S100Z: variants seen among roughly 807,000 people sequenced by gnomAD.
S100Z encodes S100 calcium binding protein Z, also known as protein S100-Z.
S100Z carries 11 observed loss-of-function variants against 8.5 expected under a neutral mutation model. The ratio of observed to expected loss-of-function variants is 1.30; its 90% CI spans 0.82 to 2.15. The LOEUF (loss-of-function observed/expected upper bound fraction) is 2.15. S100Z is among the 30% of genes most tolerant of loss of function. The pLI, the probability that S100Z is intolerant of heterozygous loss-of-function variation, is 0.00. For synonymous variants in S100Z, 34 were observed against 43.8 expected, an observed-to-expected ratio of 0.78 and a Z score of 0.89; for missense variants, 126 against 117.9, an observed-to-expected ratio of 1.07 and a Z score of -0.32.
intron 3 of S100Z, 59 bp from the exon 4 acceptor site, chr5:76,877,615 T>G: frequency 1.0e-6 from 1 of 994,180 alleles, no homozygotes. Flanking sequence ...GAAGATGAAT[T>G]TCAATTGTCA....
downstream of S100Z, among the ~76,000 whole-genome samples, chr5:76,923,613 A>T (rs1399425529): frequency 6.6e-6 from 1 of 152,132 alleles, no homozygotes; most frequent in African/African-American, 2.4e-5. Flanking sequence ...ACCTCCAACT[A>T]CACCCTCATG....
intron 4 of S100Z, among the ~76,000 whole-genome samples, chr5:76,879,917 G>A (rs1276521991): frequency 1.3e-5 from 2 of 152,170 alleles, no homozygotes; most frequent in Non-Finnish European, 2.9e-5. Flanking sequence ...ACGCATCTGT[G>A]TGAAGAGACC....
At chr5:76,883,137 C>T (rs1245665585) in intron 4 of S100Z, among the ~76,000 whole-genome samples, 4 of 151,980 alleles carry the variant, frequency 2.6e-5, no homozygotes, top group African/African-American at 9.7e-5. Flanking sequence ...GGGATATTGG[C>T]ATTGAGTGGG....
Position 76,912,097 on chromosome 5 carries a change from TG to T in S100Z, c.*3-8619del, listed in dbSNP as rs1470613169. On this transcript the variant is annotated intron_variant, in intron 4 of 4. Coordinates refer to ENST00000317593, the MANE Select transcript of S100Z (RefSeq NM_130772.4). ...AAGGGTAGTTGCGGCGTTGGCTTAG[TG>T]TCAGAGGCTATCAAAATAATACAAG... Among the ~76,000 whole-genome samples, 4 of 152,188 alleles carry T rather than the reference TG, an allele frequency of 2.6e-5. No homozygotes were observed. In the East Asian group the frequency reaches 7.7e-4, roughly 29 times the overall value.
the S100Z span, among the ~76,000 whole-genome samples, chr5:76,933,366 C>T: frequency 4.6e-5 from 7 of 152,174 alleles, no homozygotes; most frequent in African/African-American, 1.7e-4. Context: ...GAGACGGCCT[C>T]TTCGAGAGGA....
At chr5:76,886,014 AAG>A (rs1308045796) in intron 4 of S100Z, among the ~76,000 whole-genome samples, 1 of 140,612 alleles carries the variant, frequency 7.1e-6, no homozygotes, top group Non-Finnish European at 1.5e-5. Context: ...GTGGAGAGAA[AAG>A]AGAGAGTAGA....
At chr5:76,851,792 G>C (rs968864566) in intron 1 of S100Z, among the ~76,000 whole-genome samples, 1 of 152,142 alleles carries the variant, frequency 6.6e-6, no homozygotes, top group Admixed American at 6.5e-5. Flanking sequence ...ATAACACAAA[G>C]TAGAGTAAGA....
At chr5:76,852,006 G>T (rs545724777) in intron 1 of S100Z, among the ~76,000 whole-genome samples, 1 of 151,974 alleles carries the variant, frequency 6.6e-6, no homozygotes, top group South Asian at 2.1e-4. Flanking sequence ...GTCTTGAGTT[G>T]CAGTCTTAAA....
At chr5:76,880,452 G>A (rs1393082529) in intron 4 of S100Z, among the ~76,000 whole-genome samples, 2 of 152,148 alleles carry the variant, frequency 1.3e-5, no homozygotes, top group Non-Finnish European at 2.9e-5. Flanking sequence ...GGGCTGCTTC[G>A]AGCAGGATTA....
intron 1 of S100Z, among the ~76,000 whole-genome samples, chr5:76,859,653 G>T (rs1399080596): frequency 2.0e-5 from 3 of 151,356 alleles, no homozygotes; most frequent in Admixed American, 2.0e-4. Flanking sequence ...GTGGTGGCGG[G>T]CGCCTGTAAT....
intron 4 of S100Z, among the ~76,000 whole-genome samples, chr5:76,913,349 C>T (rs6890905): frequency 0.69 from 104,464 of 152,146 alleles, 36,612 homozygotes; most frequent in African/African-American, 0.83. Context: ...GAAAAAGACA[C>T]AATGGATATT....
intron 4 of S100Z, among the ~76,000 whole-genome samples, chr5:76,919,430 C>G (rs1744962453): frequency 6.6e-6 from 1 of 152,090 alleles, no homozygotes; most frequent in Admixed American, 6.5e-5. Flanking sequence ...TTTGCAATTT[C>G]CTAATGACAT....
intron 1 of S100Z, among the ~76,000 whole-genome samples, chr5:76,862,455 G>T (rs935503419): frequency 6.6e-6 from 1 of 152,096 alleles, no homozygotes; most frequent in Non-Finnish European, 1.5e-5. Context: ...CCAATTGGAG[G>T]CCTCTGAAGA....
intron 1 of S100Z, among the ~76,000 whole-genome samples, chr5:76,865,447 A>T (rs1355141533): frequency 6.6e-6 from 1 of 150,950 alleles, no homozygotes; most frequent in Non-Finnish European, 1.5e-5. Flanking sequence ...GGATTTCACC[A>T]TGTTGGTCAG....
At chr5:76,876,105 C>T (rs959437857) in intron 3 of S100Z, among the ~76,000 whole-genome samples, 3 of 152,126 alleles carry the variant, frequency 2.0e-5, no homozygotes, top group African/African-American at 7.2e-5. Flanking sequence ...TTTGGGGCCT[C>T]CTCCAAGGAA....
the S100Z span, among the ~76,000 whole-genome samples, chr5:76,936,517 A>G: frequency 2.6e-5 from 4 of 151,892 alleles, no homozygotes; most frequent in Admixed American, 2.6e-4. Flanking sequence ...TTTTGGTGTA[A>G]TAGAGAAAAA....
chr5:76,873,383 T>C (rs988180303), intron 2 of S100Z, among the ~76,000 whole-genome samples: 1 of 151,318 alleles, frequency 6.6e-6, no homozygotes, highest in African/African-American at 2.4e-5. Flanking sequence ...TCTTGGCTCA[T>C]TGCAACCTCC....
the S100Z span, among the ~76,000 whole-genome samples, chr5:76,951,687 C>T: frequency 1.3e-5 from 2 of 152,182 alleles, no homozygotes; most frequent in Non-Finnish European, 2.9e-5. Flanking sequence ...TTCTTTATAA[C>T]CTTTTCAAAA....
chr5:76,914,037 C>T (rs1744767779), intron 4 of S100Z, among the ~76,000 whole-genome samples: 1 of 152,140 alleles, frequency 6.6e-6, no homozygotes, highest in South Asian at 2.1e-4. Flanking sequence ...CATCAAGCCA[C>T]AGATGGTCTT....
Sources: allele counts gnomAD v4.1 joint callset (sites outside exome capture counted in the v4.1 genomes callset), GRCh38; gene constraint gnomAD v4.1.1; transcripts MANE v1.5; gene names NCBI Gene and HGNC (gene_info 2026-07-23, HGNC 2026-07-21).